PHF24: variants seen among roughly 807,000 people sequenced by gnomAD.
The protein encoded by PHF24 is PHD finger protein 24, also known as Galpha inhibitory interacting protein.
In PHF24, 25 loss-of-function variants were observed where a neutral mutation model predicts 42.6. The ratio of observed to expected loss-of-function variants is 0.59; its 90% CI spans 0.43 to 0.82. The LOEUF is 0.82. Among genes scored for constraint, PHF24 ranks in the 40% least tolerant of loss-of-function variants. PHF24 has a pLI of 0.00. For missense variants in PHF24, 470 were observed against 538.1 expected (o/e 0.87, Z 1.25); for synonymous variants, 185 against 204.8 (o/e 0.90, Z 0.83).
the PHF24 span, among the ~76,000 whole-genome samples, chr9:34,714,422 G>A: frequency 1.3e-5 from 2 of 152,216 alleles, no homozygotes; most frequent in African/African-American, 4.8e-5. Context: ...TAATTCCGAA[G>A]TCATATTATA....
chr9:34,944,110 C>T, the PHF24 span, among the ~76,000 whole-genome samples: 1 of 152,244 alleles, frequency 6.6e-6, no homozygotes, highest in Non-Finnish European at 1.5e-5. Context: ...CTTCACTCAA[C>T]ATTGGCCATC....
the PHF24 span, chr9:34,728,031 A>T: frequency 2.5e-5 from 39 of 1,551,982 alleles, no homozygotes; most frequent in Admixed American, 7.7e-4. Flanking sequence ...CCTTTTAATG[A>T]TGGAGAGCAG....
the PHF24 span, chr9:34,837,374 G>A: frequency 2.5e-6 from 1 of 395,500 alleles, no homozygotes; most frequent in African/African-American, 2.1e-5. Context: ...TGGCAAACAA[G>A]ACTGAGAGAT....
At chr9:34,838,299 C>T in the PHF24 span, 1 of 717,014 alleles carries the variant, frequency 1.4e-6, no homozygotes. Context: ...AGCTTAAAAG[C>T]ATATTATCTG....
chr9:34,940,355 C>T, the PHF24 span, among the ~76,000 whole-genome samples: 1 of 151,930 alleles, frequency 6.6e-6, no homozygotes, highest in Admixed American at 6.6e-5. Flanking sequence ...GAGAGTGTGC[C>T]TCTGACCTAA....
At chr9:34,882,304 A>G in the PHF24 span, among the ~76,000 whole-genome samples, 7 of 152,202 alleles carry the variant, frequency 4.6e-5, no homozygotes, top group Admixed American at 1.3e-4. Flanking sequence ...AACTGGCACA[A>G]GACAAGGATG....
chr9:34,674,343 A>G, the PHF24 span, among the ~76,000 whole-genome samples: 3 of 152,224 alleles, frequency 2.0e-5, no homozygotes, highest in African/African-American at 7.2e-5. Context: ...CCATCTTTCA[A>G]TGCCAAGACA....
chr9:34,760,352 T>C, the PHF24 span, among the ~76,000 whole-genome samples: 2 of 152,160 alleles, frequency 1.3e-5, no homozygotes, highest in Admixed American at 1.3e-4. Flanking sequence ...GAGACTTGTC[T>C]CTCCACATAA....
At chr9:34,870,385 G>T in the PHF24 span, among the ~76,000 whole-genome samples, 1 of 151,906 alleles carries the variant, frequency 6.6e-6, no homozygotes, top group Admixed American at 6.6e-5. Flanking sequence ...TAGTTTCACT[G>T]CCCAGAAAAA....
At chr9:34,763,575 T>C in the PHF24 span, among the ~76,000 whole-genome samples, 1 of 152,206 alleles carries the variant, frequency 6.6e-6, no homozygotes, top group Non-Finnish European at 1.5e-5. Flanking sequence ...TGAAGTTGCT[T>C]ATCAGCTTAA....
the PHF24 span, among the ~76,000 whole-genome samples, chr9:34,752,041 A>G: frequency 1.3e-5 from 2 of 152,156 alleles, no homozygotes; most frequent in Non-Finnish European, 2.9e-5. Context: ...CCTATAGGAA[A>G]CAGTGAAAGC....
At chr9:34,729,194 T>C in the PHF24 span, 1 of 1,421,792 alleles carries the variant, frequency 7.0e-7, no homozygotes, top group South Asian at 1.5e-5. Context: ...GCTATAAAAA[T>C]TCTGGGGTGG....
the PHF24 span, among the ~76,000 whole-genome samples, chr9:34,826,703 G>A: frequency 6.8e-6 from 1 of 146,664 alleles, no homozygotes; most frequent in Non-Finnish European, 1.5e-5. Context: ...CTTCTGGAAA[G>A]CCCAAGAGAA....
chr9:34,958,762 G>A lies in PHF24; in HGVS notation c.-5+361G>A, dbSNP rs1428466873. On this transcript the variant is annotated intron_variant, in intron 1 of 7. Transcript: ENST00000242315. The surrounding 1 kb of genome is among the most constrained non-coding windows in gnomAD (Gnocchi z 4.5). ...GAGCTGGCTCAATGGAAGACCACCTGGGAACATAGGGGAGCCGCAGGAACC... is the reference window on the plus strand; with the variant it reads ...GAGCTGGCTCAATGGAAGACCACCTAGGAACATAGGGGAGCCGCAGGAACC... Among the ~76,000 whole-genome samples, 3 of 152,144 alleles carry A rather than the reference G, an allele frequency of 2.0e-5. No homozygotes were observed. The highest frequency in any genetic ancestry group is 4.4e-5 in the Non-Finnish European group (3 of 68,002).
At chr9:34,935,640 G>C in the PHF24 span, among the ~76,000 whole-genome samples, 2 of 150,776 alleles carry the variant, frequency 1.3e-5, no homozygotes, top group Non-Finnish European at 3.0e-5. Flanking sequence ...TGGTGGTGGA[G>C]ACAGCTACAT....
At chr9:34,722,029 C>T in the PHF24 span, among the ~76,000 whole-genome samples, 1 of 152,154 alleles carries the variant, frequency 6.6e-6, no homozygotes, top group East Asian at 1.9e-4. Flanking sequence ...TAGATGTCTC[C>T]ATTTACACTT....
the PHF24 span, among the ~76,000 whole-genome samples, chr9:34,686,090 A>G: frequency 6.6e-6 from 1 of 152,172 alleles, no homozygotes; most frequent in Admixed American, 6.5e-5. Context: ...ATTAGCTAAT[A>G]CTCAGAGCCA....
chr9:34,812,094 G>A, the PHF24 span, among the ~76,000 whole-genome samples: 1 of 152,172 alleles, frequency 6.6e-6, no homozygotes, highest in Non-Finnish European at 1.5e-5. Context: ...AGTGAAGCTG[G>A]ATGCAGTGAC....
At chr9:34,713,505 C>T in the PHF24 span, among the ~76,000 whole-genome samples, 4 of 150,108 alleles carry the variant, frequency 2.7e-5, no homozygotes, top group Non-Finnish European at 4.4e-5. Context: ...AGTACCACCC[C>T]CCCTGCTTGT....
Sources: allele counts gnomAD v4.1 joint callset (sites outside exome capture counted in the v4.1 genomes callset), GRCh38; gene constraint gnomAD v4.1.1; non-coding constraint Gnocchi (gnomAD v3.1); transcripts MANE v1.5; gene names NCBI Gene and HGNC (gene_info 2026-07-23, HGNC 2026-07-21).